The following PDE4B variants were observed in gnomAD, a reference collection of about 807,000 sequenced individuals.
The protein encoded by PDE4B is 3',5'-cyclic-AMP phosphodiesterase 4B.
PDE4B carries 20 observed loss-of-function variants against 82.2 expected under a neutral mutation model. That is an observed-to-expected ratio of 0.24 (90% CI 0.17 to 0.35). PDE4B has a LOEUF of 0.35. Among genes scored for constraint, PDE4B ranks in the 10% least tolerant of loss-of-function variants. The probability of loss-of-function intolerance (pLI) is 1.00; values close to 1 mark genes in which losing one functional copy is unlikely to be tolerated. For synonymous variants in PDE4B, 320 were observed against 318.9 expected, an observed-to-expected ratio of 1.00 and a Z score of -0.04; for missense variants, 655 against 907.2, an observed-to-expected ratio of 0.72 and a Z score of 3.57.
intron 3 of PDE4B, among the ~76,000 whole-genome samples, chr1:66,055,047 A>T (rs1655226211): frequency 6.6e-6 from 1 of 152,230 alleles, no homozygotes; most frequent in Admixed American, 6.6e-5. Context: ...TTAGATGAGC[A>T]TCAGTAATAT....
chr1:66,105,990 G>A (rs1223277620), intron 3 of PDE4B, among the ~76,000 whole-genome samples: 3 of 152,072 alleles, frequency 2.0e-5, no homozygotes, highest in South Asian at 2.1e-4. Context: ...AATAGGAGTG[G>A]TGAGAGAGGG....
intron 3 of PDE4B, among the ~76,000 whole-genome samples, chr1:65,937,659 A>G (rs890973107): frequency 7.2e-5 from 11 of 152,130 alleles, no homozygotes; most frequent in Non-Finnish European, 1.3e-4. Context: ...GCAGTCAACA[A>G]CTCAGCAATT....
At chr1:66,027,334 T>C (rs1220357375) in intron 3 of PDE4B, among the ~76,000 whole-genome samples, 3 of 151,846 alleles carry the variant, frequency 2.0e-5, no homozygotes, top group Non-Finnish European at 2.9e-5. Context: ...ATCACAAGAG[T>C]AGCACGGGAA....
chr1:66,133,800 C>G lies in PDE4B; in HGVS notation c.282-113660C>G, dbSNP rs1375805788. Reference sequence around the variant, plus strand: ...GGAAGCAGAGCCCAGGCCCTTTGTACTCTTAGGCCCCAAACCTGGAAGGTG... The same window carrying G: ...GGAAGCAGAGCCCAGGCCCTTTGTAGTCTTAGGCCCCAAACCTGGAAGGTG... On this transcript the variant is annotated intron_variant, in intron 3 of 16. Coordinates refer to ENST00000341517, the MANE Select transcript of PDE4B (RefSeq NM_002600.4). Among the ~76,000 whole-genome samples the G allele has an allele frequency of 2.6e-5, 4 of 152,160 alleles. No homozygotes were observed. In the South Asian group the frequency reaches 8.3e-4, roughly 32 times the overall value.
intron 3 of PDE4B, among the ~76,000 whole-genome samples, chr1:66,090,190 G>A (rs1241594217): frequency 6.6e-6 from 1 of 151,982 alleles, no homozygotes; most frequent in Admixed American, 6.6e-5. Flanking sequence ...TAAGGCAAAT[G>A]TATTTGTAGA....
intron 7 of PDE4B, among the ~76,000 whole-genome samples, chr1:66,315,644 G>C (rs1402797364): frequency 1.3e-5 from 2 of 151,950 alleles, no homozygotes; most frequent in Non-Finnish European, 2.9e-5. Context: ...TTTTTTAATA[G>C]AGACCGGATT....
chr1:66,178,430 T>C (rs969647411), intron 3 of PDE4B, among the ~76,000 whole-genome samples: 1 of 152,174 alleles, frequency 6.6e-6, no homozygotes, highest in Non-Finnish European at 1.5e-5. Flanking sequence ...TTCTACCATA[T>C]GATAAATAAA....
intron 1 of PDE4B, among the ~76,000 whole-genome samples, chr1:65,842,063 T>C (rs1429235623): frequency 6.6e-6 from 1 of 152,150 alleles, no homozygotes; most frequent in Non-Finnish European, 1.5e-5. Context: ...TCTTACACCA[T>C]GGACAATTAG....
At chr1:66,031,555 C>T (rs1474897277) in intron 3 of PDE4B, among the ~76,000 whole-genome samples, 4 of 152,104 alleles carry the variant, frequency 2.6e-5, no homozygotes, top group East Asian at 1.9e-4. Flanking sequence ...TGGGCTGTAG[C>T]CTGCAAGTAA....
chr1:65,837,210 T>C (rs1348302720), intron 1 of PDE4B, among the ~76,000 whole-genome samples: 1 of 152,162 alleles, frequency 6.6e-6, no homozygotes, highest in Non-Finnish European at 1.5e-5. Flanking sequence ...ATATCATGTA[T>C]TGTATATACA....
chr1:65,887,414 GTTTTTTT>G (rs34263724), intron 1 of PDE4B, among the ~76,000 whole-genome samples: 7 of 7,734 alleles, frequency 9.1e-4, no homozygotes, highest in African/African-American at 3.0e-3. Flanking sequence ...TTTTTCTTCT[GTTTTTTT>G]TTTTTTTTTT....
chr1:65,910,168 C>T (rs1222472322), intron 1 of PDE4B, among the ~76,000 whole-genome samples: 5 of 152,152 alleles, frequency 3.3e-5, no homozygotes, highest in Non-Finnish European at 7.3e-5. Flanking sequence ...AAATCATGTA[C>T]GTAGAGTGCT....
At chr1:66,209,750 A>G (rs536404745) in intron 3 of PDE4B, among the ~76,000 whole-genome samples, 17 of 152,304 alleles carry the variant, frequency 1.1e-4, no homozygotes, top group African/African-American at 4.1e-4. Flanking sequence ...TTCCAATTCT[A>G]GAAGTTCATA....
intron 3 of PDE4B, among the ~76,000 whole-genome samples, chr1:66,208,177 C>T (rs974152521): frequency 6.6e-6 from 1 of 152,188 alleles, no homozygotes. Flanking sequence ...TTCGCCACTG[C>T]TCATAAATGG....
intron 3 of PDE4B, among the ~76,000 whole-genome samples, chr1:66,177,821 G>A (rs1646964735): frequency 6.6e-6 from 1 of 152,108 alleles, no homozygotes; most frequent in Non-Finnish European, 1.5e-5. Context: ...CCTAAAGGTG[G>A]GATCATCATG....
chr1:66,092,644 AGC>A (rs1311656212), intron 3 of PDE4B, among the ~76,000 whole-genome samples: 3 of 152,240 alleles, frequency 2.0e-5, no homozygotes, highest in Non-Finnish European at 1.5e-5. Flanking sequence ...AGATAGATTA[AGC>A]CACGAGTTTA....
At chr1:65,943,263 G>A (rs963346306) in intron 3 of PDE4B, among the ~76,000 whole-genome samples, 12 of 151,548 alleles carry the variant, frequency 7.9e-5, no homozygotes, top group Non-Finnish European at 1.6e-4. Context: ...GTTTATTAAC[G>A]AATATTCTCA....
At chr1:66,218,867 T>A (rs1003049428) in intron 3 of PDE4B, among the ~76,000 whole-genome samples, 2 of 152,190 alleles carry the variant, frequency 1.3e-5, no homozygotes, top group African/African-American at 2.4e-5. Flanking sequence ...GATGGATAGC[T>A]GTAGCTATCT....
chr1:65,933,464 G>A (rs1189885574), intron 3 of PDE4B, among the ~76,000 whole-genome samples: 19 of 152,240 alleles, frequency 1.2e-4, no homozygotes, highest in Admixed American at 1.0e-3. Context: ...AGGCCACGGC[G>A]GGCGGATCAC....
Sources: allele counts gnomAD v4.1 joint callset (sites outside exome capture counted in the v4.1 genomes callset), GRCh38; gene constraint gnomAD v4.1.1; transcripts MANE v1.5; gene names NCBI Gene and HGNC (gene_info 2026-07-23, HGNC 2026-07-21).